The following CROCC variants were observed in gnomAD, a reference collection of about 807,000 sequenced individuals.
CROCC encodes rootletin.
A neutral mutation model predicts 245.2 loss-of-function variants in CROCC; 180 were observed. That is an observed-to-expected ratio of 0.73 (90% CI 0.65 to 0.83). CROCC has a LOEUF of 0.83. Among genes scored for constraint, CROCC ranks in the 40% least tolerant of loss-of-function variants. The pLI, the probability that CROCC is intolerant of heterozygous loss-of-function variation, is 0.00. For synonymous variants in CROCC, 1,205 were observed against 1,241.6 expected (o/e 0.97, Z 0.62); for missense variants, 2,688 against 2,779.4 (o/e 0.97, Z 0.74).
intron 8 of CROCC, among the ~76,000 whole-genome samples, chr1:16,935,414 T>TTTTTGTTTTG (rs1049790082): frequency 1.3e-5 from 2 of 152,126 alleles, no homozygotes; most frequent in African/African-American, 2.4e-5. Context: ...TCCACTGGTT[T>TTTTTGTTTTG]TTTTGTTTTG....
At chr1:16,934,229 C>G (rs1489518095) in intron 8 of CROCC, among the ~76,000 whole-genome samples, 2 of 152,242 alleles carry the variant, frequency 1.3e-5, no homozygotes, top group Non-Finnish European at 2.9e-5. Flanking sequence ...GGCACTTTCT[C>G]TCCTTACTAT....
chr1:16,956,273 C>G, intron 25 of CROCC, 117 bp downstream of exon 25: 1 of 1,087,114 alleles, frequency 9.2e-7, no homozygotes, highest in Non-Finnish European at 1.3e-6. Context: ...TGAACTATGA[C>G]AAGCCCTCTC....
intron 3 of CROCC, among the ~76,000 whole-genome samples, chr1:16,927,881 G>A (rs1173091230): frequency 8.5e-5 from 13 of 152,410 alleles, no homozygotes; most frequent in Admixed American, 7.8e-4. Context: ...AGACTCAGGG[G>A]GAAGCCCCCA....
At chr1:16,945,431 A>T (rs759893521) in intron 14 of CROCC, 31 bp from the exon 15 acceptor site, 1 of 1,611,046 alleles carries the variant, frequency 6.2e-7, no homozygotes, top group Non-Finnish European at 8.5e-7. Flanking sequence ...GGAAAGTGAC[A>T]TGGGCCACCC....
chr1:16,922,890 A>C, intron 2 of CROCC, 92 bp downstream of exon 2: 1 of 1,502,202 alleles, frequency 6.7e-7, no homozygotes, highest in Non-Finnish European at 8.9e-7. Context: ...GATGATCATG[A>C]CTGTAACTCA....
At chr1:16,933,598 G>A (rs1404329772) in intron 8 of CROCC, among the ~76,000 whole-genome samples, 1 of 151,908 alleles carries the variant, frequency 6.6e-6, no homozygotes, top group East Asian at 1.9e-4. Flanking sequence ...ATGGAGTCTT[G>A]CTTTGTTGCC....
intron 3 of CROCC, among the ~76,000 whole-genome samples, chr1:16,927,306 C>T (rs183821763): frequency 3.9e-5 from 6 of 152,386 alleles, no homozygotes; most frequent in South Asian, 2.1e-4. Flanking sequence ...TGACACAGCA[C>T]GCTATCTCCC....
At chr1:16,934,210 C>T (rs1401931121) in intron 8 of CROCC, among the ~76,000 whole-genome samples, 1 of 152,240 alleles carries the variant, frequency 6.6e-6, no homozygotes, top group African/African-American at 2.4e-5. Flanking sequence ...AATTAGAATT[C>T]TGGAATGAGG....
chr1:16,966,692 G>A lies in CROCC; in HGVS notation c.4860+121G>A, dbSNP rs1286368189. ...GAGTCTCTCTGCAACCCACTGAGGT[G>A]ACCAGCCTGTGACTCTGTGAAACCA... On this transcript the variant is annotated intron_variant, in intron 30 of 36. Transcript: ENST00000375541. The surrounding 1 kb of genome is among the most constrained non-coding windows in gnomAD (Gnocchi z 4.8). 2.6e-6 allele frequency: 3 copies of A among 1,171,346 alleles called. No individual in the cohort carries two copies. The highest frequency in any genetic ancestry group is 3.4e-6 in the Non-Finnish European group (3 of 874,428). 72.6% of individuals were successfully genotyped at this position (1,171,346 alleles called of 1,614,324 possible).
Position 16,928,367 on chromosome 1 carries a change from G to A in CROCC, c.352-1479G>A, listed in dbSNP as rs537582521. The stretch of plus-strand genomic sequence containing the variant: ...CCAGCAGGTGCCTTAAGGGAGTTGA[G>A]AGGGTTCTATGGCTGGTAGGGACAG... On this transcript the variant is annotated intron_variant, in intron 3 of 36. Coordinates refer to ENST00000375541, the MANE Select transcript of CROCC (RefSeq NM_014675.5). Among the ~76,000 whole-genome samples the A allele has an allele frequency of 1.3e-4, 20 of 152,394 alleles. No individual in the cohort carries two copies. In the South Asian group the frequency reaches 3.9e-3, roughly 30 times the overall value.
intron 8 of CROCC, among the ~76,000 whole-genome samples, chr1:16,935,714 A>G (rs2075773142): frequency 6.6e-6 from 1 of 152,276 alleles, no homozygotes; most frequent in African/African-American, 2.4e-5. Context: ...GTGAGCCACC[A>G]AGCCTGGCCT....
chr1:16,920,494 G>A (rs1241482822), upstream of CROCC, among the ~76,000 whole-genome samples: 1 of 152,246 alleles, frequency 6.6e-6, no homozygotes, highest in Non-Finnish European at 1.5e-5. Context: ...CACCTGGCCT[G>A]GTTTAGTCTC....
chr1:16,939,209 T>TGGGGTC (rs1553154584), intron 12 of CROCC, 67 bp downstream of exon 12: 4 of 706,554 alleles, frequency 5.7e-6, no homozygotes, highest in African/African-American at 1.9e-5. Flanking sequence ...GCCCTCCGGG[T>TGGGGTC]GGGGGCGGGG....
At chr1:16,930,086 C>T (rs1456305527) in intron 4 of CROCC, 38 bp from the exon 5 acceptor site, 5 of 1,575,506 alleles carry the variant, frequency 3.2e-6, no homozygotes, top group South Asian at 1.2e-5. Context: ...TTGCCCCGCC[C>T]CAACCCCTGG....
chr1:16,953,018 T>C lies in CROCC; in HGVS notation c.3007-284T>C, dbSNP rs1997862. On this transcript the variant is annotated intron_variant, in intron 20 of 36. Coordinates refer to ENST00000375541, the MANE Select transcript of CROCC (RefSeq NM_014675.5). ...CCTCTAGGCCTTTCCAGGGGCTGTG[T>C]TCTTGGCCTGGGGTGGTCTTTTCTC... 1.7e-3 allele frequency: 663 copies of C among 397,492 alleles called. 3 individuals are homozygous for C. The highest frequency in any genetic ancestry group is 2.0e-3 in the Non-Finnish European group (423 of 212,870). 24.6% of individuals were successfully genotyped at this position (397,492 alleles called of 1,614,324 possible). A position where few individuals can be genotyped will look rare whatever the true frequency, so the allele number is the denominator to read the frequency against.
Position 16,922,683 on chromosome 1 carries a change from G to C in CROCC, c.81G>C (p.Leu27=). Residue 27 remains leucine, a synonymous_variant, in exon 2 of 37, where the codon CTG becomes CTC. Coordinates refer to ENST00000375541, the MANE Select transcript of CROCC (RefSeq NM_014675.5). ...TVIQTLESSV[L]CQEKGLGARD... The stretch of plus-strand genomic sequence containing the variant: ...CACAGACACTGGAGAGCAGCGTCCT[G>C]TGCCAGGAGAAAGGCTTGGGCGCGC... The C allele has an allele frequency of 6.2e-7, 1 of 1,612,658 alleles. No individual in the cohort carries two copies. Among genetic ancestry groups the C allele is most frequent in the Non-Finnish European group, 8.5e-7 (1 of 1,179,418 alleles).
rs769309084 is a variant in CROCC at position 16,947,025 on chromosome 1, A to C, written c.2514+34A>C. The C allele has an allele frequency of 4.7e-5, 72 of 1,522,348 alleles. No homozygotes were observed. The South Asian group carries it at 8.6e-4, about 18-fold the overall frequency. 94.3% of individuals were successfully genotyped at this position (1,522,348 alleles called of 1,614,324 possible). ...AGCTGTGTGTGGGGGTGGTGTGGAG[A>C]GCATGTGGGGCAGGCCGGGCTCCCA... On this transcript the variant is annotated intron_variant, in intron 17 of 36. Coordinates refer to ENST00000375541, the MANE Select transcript of CROCC (RefSeq NM_014675.5).
At chr1:16,916,637 A>G (rs1466356212) in intron 1 of CROCC, among the ~76,000 whole-genome samples, 4 of 152,260 alleles carry the variant, frequency 2.6e-5, no homozygotes, top group Admixed American at 1.3e-4. Context: ...CTCTCAAGGA[A>G]CTGGGACTAC....
chr1:16,922,128 C>G (rs1199371202), intron 1 of CROCC, 50 bp downstream of exon 1: 8 of 1,471,786 alleles, frequency 5.4e-6, no homozygotes, highest in African/African-American at 1.4e-5. Context: ...GCAGCGTGGA[C>G]TTAACAGGAG....
Sources: gnomAD v4.1 joint callset for allele counts (sites outside exome capture counted in the v4.1 genomes callset) on GRCh38, gnomAD v4.1.1 for gene constraint, Gnocchi (gnomAD v3.1) non-coding constraint, MANE v1.5 for transcripts, NCBI Gene and HGNC (gene_info 2026-07-23, HGNC 2026-07-21) for gene names.